The following DTNA variants were observed in gnomAD, a reference collection of about 807,000 sequenced individuals.
The protein encoded by DTNA is dystrophin-related protein 3.
DTNA carries 43 observed loss-of-function variants against 100.7 expected under a neutral mutation model. That is an observed-to-expected ratio of 0.43 (90% CI 0.33 to 0.55). DTNA has a LOEUF of 0.55. Among genes scored for constraint, DTNA ranks in the 20% least tolerant of loss-of-function variants. The probability of loss-of-function intolerance (pLI) is 0.04; values close to 1 mark genes in which losing one functional copy is unlikely to be tolerated. For synonymous variants in DTNA, 349 were observed against 347.9 expected (o/e 1.00, Z -0.04); for missense variants, 798 against 953.9 (o/e 0.84, Z 2.15).
At chr18:34,883,558 C>T (rs1014712237) in intron 21 of DTNA, among the ~76,000 whole-genome samples, 8 of 152,046 alleles carry the variant, frequency 5.3e-5, no homozygotes, top group Admixed American at 3.9e-4. Context: ...GATCCTCCCA[C>T]CCCGGCCTCC....
At chr18:34,695,993 G>A (rs2080478548) in intron 1 of DTNA, among the ~76,000 whole-genome samples, 1 of 152,096 alleles carries the variant, frequency 6.6e-6, no homozygotes, top group African/African-American at 2.4e-5. Context: ...TAGAAACAAA[G>A]AGAAAAATAG....
Position 34,658,356 on chromosome 18 carries a change from C to G in DTNA, c.-1-97620C>G, listed in dbSNP as rs563465005. Among the ~76,000 whole-genome samples, 6 of 152,164 alleles carry G rather than the reference C, an allele frequency of 3.9e-5. No homozygotes were observed. In the East Asian group the frequency reaches 1.2e-3, roughly 29 times the overall value. ...TGCTTTTATAAAAATTCTTTTGTTTCTTTGTTTGTCTTTTGAGACAAGGTC... is the reference window on the plus strand; with the variant it reads ...TGCTTTTATAAAAATTCTTTTGTTTGTTTGTTTGTCTTTTGAGACAAGGTC... On this transcript the variant is annotated intron_variant, in intron 1 of 19. Coordinates refer to the DTNA transcript ENST00000283365.
At chr18:34,553,285 T>A (rs1359767690) in intron 1 of DTNA, among the ~76,000 whole-genome samples, 1 of 151,852 alleles carries the variant, frequency 6.6e-6, no homozygotes, top group Non-Finnish European at 1.5e-5. Context: ...ATTAGCCCTT[T>A]GTCAGATGAG....
chr18:34,537,835 G>A (rs1488780832), intron 1 of DTNA, among the ~76,000 whole-genome samples: 1 of 151,892 alleles, frequency 6.6e-6, no homozygotes, highest in Non-Finnish European at 1.5e-5. Flanking sequence ...ATTAGACTTT[G>A]ATGAAATGTT....
intron 2 of DTNA, among the ~76,000 whole-genome samples, chr18:34,756,659 A>G (rs2148247232): frequency 6.6e-6 from 1 of 152,348 alleles, no homozygotes; most frequent in South Asian, 2.1e-4. Context: ...AAACCAAACT[A>G]AGTTACTGAC....
intron 1 of DTNA, among the ~76,000 whole-genome samples, chr18:34,643,285 C>CT (rs1014292692): frequency 2.0e-5 from 3 of 152,128 alleles, no homozygotes; most frequent in African/African-American, 7.2e-5. Flanking sequence ...ATTTTGAAAT[C>CT]TTAATAAAAG....
At chr18:34,737,844 A>T (rs1458156626) in intron 1 of DTNA, 1 of 152,176 alleles carries the variant, frequency 6.6e-6, no homozygotes, top group African/African-American at 2.4e-5. Context: ...GGCACTAATG[A>T]ACATCACAGA....
chr18:34,887,579 CAA>C (rs2096933525), intron 22 of DTNA, among the ~76,000 whole-genome samples, 185 bp from the exon 23 acceptor site: 1 of 152,076 alleles, frequency 6.6e-6, no homozygotes, highest in Admixed American at 6.5e-5. Context: ...CCAGAAGGTG[CAA>C]TAGCACAGTG....
chr18:34,684,319 C>A (rs2078559693), intron 1 of DTNA, among the ~76,000 whole-genome samples: 1 of 152,128 alleles, frequency 6.6e-6, no homozygotes, highest in South Asian at 2.1e-4. Context: ...CCGCAACAAG[C>A]CCTGGTGTGT....
chr18:34,558,359 G>A (rs1014950974), intron 1 of DTNA, among the ~76,000 whole-genome samples: 1 of 152,188 alleles, frequency 6.6e-6, no homozygotes, highest in Admixed American at 6.5e-5. Context: ...GCTGTAGACT[G>A]GAGCTGTTCC....
rs893594195 is a variant in DTNA at position 34,867,296 on chromosome 18, A to G, written c.1743+3234A>G. The G allele has an allele frequency of 3.0e-4, 367 of 1,231,236 alleles. 2 individuals are homozygous for G. In the East Asian group the frequency reaches 0.011, roughly 38 times the overall value. The allele number at this position is 1,231,236 out of a possible 1,614,324, so 76.3% of individuals were successfully genotyped here. ...GGTCTGTAAAAAAGGAAAGTGTAAA[A>G]TCAATCTGTAATGTCAGACAATAAA... On this transcript the variant is annotated intron_variant, in intron 17 of 22. Transcript: ENST00000444659.
chr18:34,879,433 A>T, intron 19 of DTNA, 118 bp from the exon 20 acceptor site: 1 of 974,078 alleles, frequency 1.0e-6, no homozygotes, highest in South Asian at 1.5e-5. Flanking sequence ...TGATTAAAAT[A>T]TGATAACTGG....
chr18:34,741,733 A>G (rs1278687755), intron 1 of DTNA, among the ~76,000 whole-genome samples: 1 of 152,052 alleles, frequency 6.6e-6, no homozygotes, highest in Non-Finnish European at 1.5e-5. Context: ...AATATTCACT[A>G]ATATTTATAT....
intron 1 of DTNA, among the ~76,000 whole-genome samples, chr18:34,634,188 TTTAC>T (rs2058403575): frequency 6.6e-6 from 1 of 152,198 alleles, no homozygotes; most frequent in African/African-American, 2.4e-5. Context: ...CTCGAAAGCA[TTTAC>T]TCCTTTGCCC....
rs200246467 is a variant in DTNA, at chr18:34,875,261, G to T, written c.1766G>T (p.Arg589Leu). ...CAGACTCAGGGGGCAGGCTCTCCCC[G>T]CTCCTCCCCCAGCCACACCATCAGC... ...LLKTQGAGSPRSSPSHTISRP... is the reference protein window; with the variant it reads ...LLKTQGAGSPLSSPSHTISRP... The change falls in exon 18 of 23, where the codon CGC (arginine) becomes CTC (leucine). Residue 589 changes from arginine to leucine, a missense_variant. Around this residue, in one of 6 missense-constraint regions of DTNA, gnomAD observed 242 missense variants for 238.2 expected, o/e 1.02. Coordinates refer to ENST00000444659, the MANE Select transcript of DTNA (RefSeq NM_001386795.1). 5 of 1,613,790 alleles carry T rather than the reference G, an allele frequency of 3.1e-6. No individual in the cohort carries two copies. The highest frequency in any genetic ancestry group is 3.3e-5 in the Admixed American group (2 of 59,984).
intron 1 of DTNA, among the ~76,000 whole-genome samples, chr18:34,640,345 A>G (rs34496387): frequency 1.3e-5 from 2 of 152,100 alleles, no homozygotes; most frequent in Admixed American, 6.5e-5. Flanking sequence ...ATAGATTAAC[A>G]ATTCTCCCTC....
chr18:34,765,853 A>T, intron 2 of DTNA, 108 bp from the exon 3 acceptor site: 1 of 1,061,600 alleles, frequency 9.4e-7, no homozygotes, highest in Non-Finnish European at 1.4e-6. Context: ...TTCTAATAAA[A>T]ATAAAATTAG....
intron 17 of DTNA, chr18:34,866,221 T>C: frequency 6.2e-7 from 1 of 1,613,002 alleles, no homozygotes; most frequent in Non-Finnish European, 8.5e-7. Flanking sequence ...CTAATGTATG[T>C]TCATGCTTCA....
At chr18:34,803,571 T>C (rs1486252460) in intron 4 of DTNA, among the ~76,000 whole-genome samples, 1 of 152,184 alleles carries the variant, frequency 6.6e-6, no homozygotes, top group African/African-American at 2.4e-5. Flanking sequence ...TCACATATAA[T>C]GCTCCTCGAT....
Sources: allele counts gnomAD v4.1 joint callset (sites outside exome capture counted in the v4.1 genomes callset), GRCh38; gene constraint gnomAD v4.1.1; regional missense constraint gnomAD v4.1.1; transcripts MANE v1.5; gene names NCBI Gene and HGNC (gene_info 2026-07-23, HGNC 2026-07-21).